SLC1A2: variants seen among roughly 807,000 people sequenced by gnomAD.
The protein encoded by SLC1A2 is excitatory amino acid transporter 2.
Under a neutral mutation model 48.8 loss-of-function variants are expected in SLC1A2, and 15 were observed. That is an observed-to-expected ratio of 0.31 (90% CI 0.21 to 0.47). SLC1A2 has a LOEUF of 0.47. Ranked by LOEUF, SLC1A2 falls within the 20% of genes least tolerant of loss-of-function variation. The pLI is 0.99. For missense variants in SLC1A2, 502 were observed against 730.5 expected, an observed-to-expected ratio of 0.69 and a Z score of 3.61; for synonymous variants, 279 against 272.6, an observed-to-expected ratio of 1.02 and a Z score of -0.23.
rs148576524 is a variant in SLC1A2 at position 35,359,046 on chromosome 11, G to A, written c.18-41530C>T. 2.0e-4 allele frequency among the ~76,000 whole-genome samples: 30 copies of A among 152,262 alleles called. No individual in the cohort carries two copies. The East Asian group carries it at 4.4e-3, about 23-fold the overall frequency. ...CAAATACAGGCAGCAGTGCAACATC[G>A]CTGACACTTTTACTTTAGATCTTTG... On this transcript the variant is annotated intron_variant, in intron 1 of 10. Coordinates refer to ENST00000278379, the MANE Select transcript of SLC1A2 (RefSeq NM_004171.4).
Position 35,364,997 on chromosome 11 carries a change from C to T in SLC1A2, c.18-47481G>A, listed in dbSNP as rs186427241. ...GGTTCATCTGAACGCACAGCCAATG[C>T]GTTTTAGAGTAAGACTGTGAAACTA... On this transcript the variant is annotated intron_variant, in intron 1 of 10. Coordinates refer to ENST00000278379, the MANE Select transcript of SLC1A2 (RefSeq NM_004171.4). 5.3e-5 allele frequency among the ~76,000 whole-genome samples: 8 copies of T among 152,246 alleles called. No individual in the cohort carries two copies. In the East Asian group the frequency reaches 1.2e-3, roughly 22 times the overall value.
intron 1 of SLC1A2, among the ~76,000 whole-genome samples, chr11:35,354,393 C>T (rs982060637): frequency 5.3e-5 from 8 of 152,072 alleles, no homozygotes; most frequent in Non-Finnish European, 7.4e-5. Context: ...CCTAGGAGTT[C>T]CAGGCTGCAG....
Position 35,286,849 on chromosome 11 carries a change from C to A in SLC1A2, c.1194G>T (p.Met398Ile). 1 of 1,613,950 alleles carries A rather than the reference C, an allele frequency of 6.2e-7. No homozygotes were observed. Among genetic ancestry groups the A allele is most frequent in the Non-Finnish European group, 8.5e-7 (1 of 1,179,860 alleles). ...CCGCTTCATAAAGGGCTGTACCATCCATGTTAATGGTTGCTCCAACAGGAA... is the reference window on the plus strand; with the variant it reads ...CCGCTTCATAAAGGGCTGTACCATCAATGTTAATGGTTGCTCCAACAGGAA... ...FVLPVGATINMDGTALYEAVA... is the reference protein window; with the variant it reads ...FVLPVGATINIDGTALYEAVA... The change falls in exon 8 of 11, where the codon ATG (methionine) becomes ATT (isoleucine). Residue 398 changes from methionine to isoleucine, a missense_variant. Physicochemically the swap from Met to Ile is conservative, Grantham distance 10. Around this residue, in one of 4 missense-constraint regions of SLC1A2, gnomAD observed 309 missense variants for 480.3 expected, o/e 0.64. Coordinates refer to ENST00000278379, the MANE Select transcript of SLC1A2 (RefSeq NM_004171.4).
chr11:35,368,404 T>A (rs1011731767), intron 1 of SLC1A2, among the ~76,000 whole-genome samples: 9 of 152,202 alleles, frequency 5.9e-5, no homozygotes, highest in Non-Finnish European at 1.2e-4. Context: ...ATGGGGATAA[T>A]CATAGTCCCT....
At position 35,259,965 on chromosome 11, in the gene SLC1A2, T is replaced by C. The variant is rs1950369167; in HGVS notation, c.*929A>G. On this transcript the variant is annotated 3_prime_UTR_variant, in exon 11 of 11. Coordinates refer to ENST00000278379, the MANE Select transcript of SLC1A2 (RefSeq NM_004171.4). ...ATAATTGACAGATTAAAAATATCTTTTTCTTTAGGAACCAAAAAATAATCT... is the reference window on the plus strand; with the variant it reads ...ATAATTGACAGATTAAAAATATCTTCTTCTTTAGGAACCAAAAAATAATCT... 1 of 152,198 alleles carries C rather than the reference T, an allele frequency of 6.6e-6. No homozygotes were observed. The highest frequency in any genetic ancestry group is 2.4e-5 in the African/African-American group (1 of 41,448). The allele number at this position is 152,198 out of a possible 1,614,324, so 9.4% of individuals were successfully genotyped here.
Position 35,327,511 on chromosome 11 carries a change from T to C in SLC1A2, c.18-9995A>G, listed in dbSNP as rs547255619. On this transcript the variant is annotated intron_variant, in intron 1 of 10. Coordinates refer to ENST00000278379, the MANE Select transcript of SLC1A2 (RefSeq NM_004171.4). ...TGGCCAAAGAAGAAGTTTGTGGCCT[T>C]CATCTTCCTTCTACTCTTCCATGCC... Among the ~76,000 whole-genome samples, 5 of 152,314 alleles carry C rather than the reference T, an allele frequency of 3.3e-5. No homozygotes were observed. In the South Asian group the frequency reaches 1.0e-3, roughly 32 times the overall value.
rs1591392121 is a variant in SLC1A2 at position 35,255,819 on chromosome 11, G to C, written c.*5075C>G. ...AACTTTTATTAAAAAACTTTTATTG[G>C]TGTCTCAAAATATCAAACTGTGAAT... On this transcript the variant is annotated 3_prime_UTR_variant, in exon 11 of 11. Transcript: ENST00000278379. 6.6e-6 allele frequency: 1 copy of C among 152,166 alleles called. No individual in the cohort carries two copies. The highest frequency in any genetic ancestry group is 2.4e-5 in the African/African-American group (1 of 41,432). The allele number at this position is 152,166 out of a possible 1,614,324, so 9.4% of individuals were successfully genotyped here. A position where few individuals can be genotyped will look rare whatever the true frequency, so the allele number is the denominator to read the frequency against.
rs942967556 is a variant in SLC1A2 at position 35,260,582 on chromosome 11, T to C, written c.*312A>G. Reference sequence around the variant, plus strand: ...GTCCCCTGGGAAAAGAGCATCCACATTTCTGCATCTTGGGAGAAAAGGGAA... The same window carrying C: ...GTCCCCTGGGAAAAGAGCATCCACACTTCTGCATCTTGGGAGAAAAGGGAA... On this transcript the variant is annotated 3_prime_UTR_variant, in exon 11 of 11. Transcript: ENST00000278379. The C allele has an allele frequency of 5.8e-6, 2 of 344,658 alleles. No individual in the cohort carries two copies. Among genetic ancestry groups the C allele is most frequent in the Non-Finnish European group, 1.1e-5 (2 of 184,520 alleles). The allele number at this position is 344,658 out of a possible 1,614,324, so 21.3% of individuals were successfully genotyped here.
At chr11:35,368,055 G>A (rs1341651461) in intron 1 of SLC1A2, among the ~76,000 whole-genome samples, 1 of 152,132 alleles carries the variant, frequency 6.6e-6, no homozygotes, top group Non-Finnish European at 1.5e-5. Flanking sequence ...CCTAATCAAA[G>A]TTTAATCCTT....
At chr11:35,325,709 T>A (rs762632425) in intron 1 of SLC1A2, among the ~76,000 whole-genome samples, 4 of 152,118 alleles carry the variant, frequency 2.6e-5, no homozygotes, top group Non-Finnish European at 5.9e-5. Flanking sequence ...ATGCCTGTAA[T>A]CCCAGCACTT....
chr11:35,286,726 G>A lies in SLC1A2; in HGVS notation c.1286+31C>T, dbSNP rs1477207556. On this transcript the variant is annotated intron_variant, in intron 8 of 10. Transcript: ENST00000278379. ...AGTGTGGAGGGGAAACAGGGTAGAG[G>A]TTGTTTTGTGTTTTACCCCACCCTT... 1.9e-6 allele frequency: 3 copies of A among 1,553,752 alleles called. No homozygotes were observed. The East Asian group carries it at 6.8e-5, about 35-fold the overall frequency.
intron 1 of SLC1A2, among the ~76,000 whole-genome samples, chr11:35,373,462 C>T (rs1854124053): frequency 6.6e-6 from 1 of 152,130 alleles, no homozygotes; most frequent in Non-Finnish European, 1.5e-5. Context: ...TGGGGAGCAG[C>T]TGGTCTAGGG....
chr11:35,393,597 G>T (rs1025815121), intron 1 of SLC1A2, among the ~76,000 whole-genome samples: 2 of 152,134 alleles, frequency 1.3e-5, no homozygotes, highest in Non-Finnish European at 2.9e-5. Context: ...TTCTAAACTG[G>T]TGTTCATTGC....
At chr11:35,348,790 G>A (rs59377579) in intron 1 of SLC1A2, among the ~76,000 whole-genome samples, 25,318 of 151,470 alleles carry the variant, frequency 0.17, 2,685 homozygotes, top group African/African-American at 0.29. Flanking sequence ...CTACTCGGGA[G>A]GCTGAGGTGG....
chr11:35,302,431 C>T (rs560740661), intron 5 of SLC1A2, among the ~76,000 whole-genome samples: 1 of 152,252 alleles, frequency 6.6e-6, no homozygotes, highest in African/African-American at 2.4e-5. Flanking sequence ...CTCTTTTCTT[C>T]CTTTACTTGA....
rs575667592 is a variant in SLC1A2 at position 35,255,084 on chromosome 11, A to G, written c.*5810T>C. 3.0e-5 allele frequency: 9 copies of G among 300,558 alleles called. No individual in the cohort carries two copies. Among genetic ancestry groups the G allele is most frequent in the African/African-American group, 1.8e-4 (8 of 45,072 alleles). 18.6% of individuals were successfully genotyped at this position (300,558 alleles called of 1,614,324 possible). On this transcript the variant is annotated 3_prime_UTR_variant, in exon 11 of 11. Transcript: ENST00000278379. ...CCGAAAAACAAAACCCAATCCTTTC[A>G]GTCCTAGCTTTACATCTTGCCCTTG...
intron 1 of SLC1A2, among the ~76,000 whole-genome samples, chr11:35,393,842 A>C (rs1318252456): frequency 1.3e-5 from 2 of 152,198 alleles, no homozygotes; most frequent in African/African-American, 4.8e-5. Flanking sequence ...CTGGTTTTAA[A>C]GAATGGGAGA....
intron 1 of SLC1A2, among the ~76,000 whole-genome samples, chr11:35,381,974 C>T (rs1200789939): frequency 6.6e-6 from 1 of 152,168 alleles, no homozygotes; most frequent in Non-Finnish European, 1.5e-5. Flanking sequence ...CTGCACAAAG[C>T]CAACAAACAG....
In SLC1A2 at chr11:35,255,182, T is replaced by C; in HGVS notation, c.*5712A>G. 9.7e-6 allele frequency: 2 copies of C among 206,648 alleles called. 1 individual carries two copies. The highest frequency in any genetic ancestry group is 1.5e-4 in the South Asian group (2 of 13,668). 12.8% of individuals were successfully genotyped at this position (206,648 alleles called of 1,614,324 possible). On this transcript the variant is annotated 3_prime_UTR_variant, in exon 11 of 11. Coordinates refer to ENST00000278379, the MANE Select transcript of SLC1A2 (RefSeq NM_004171.4). Reference sequence around the variant, plus strand: ...CACAACAAATACCAACACTACTCTATTTAGCAGAAGTTTGGACAAACAGCA... The same window carrying C: ...CACAACAAATACCAACACTACTCTACTTAGCAGAAGTTTGGACAAACAGCA...
Sources: allele counts gnomAD v4.1 joint callset (sites outside exome capture counted in the v4.1 genomes callset), GRCh38; gene constraint gnomAD v4.1.1; regional missense constraint gnomAD v4.1.1; transcripts MANE v1.5; gene names NCBI Gene and HGNC (gene_info 2026-07-23, HGNC 2026-07-21).